RTL4: variants seen among roughly 807,000 people sequenced by gnomAD.
RTL4 encodes the protein retrotransposon Gag like 4.
In RTL4, 4 loss-of-function variants were observed where a neutral mutation model predicts 5.3. The ratio of observed to expected loss-of-function variants is 0.75; its 90% CI spans 0.37 to 1.72. The LOEUF (loss-of-function observed/expected upper bound fraction) is 1.72, where lower values mean the gene tolerates loss of function less well. Ranked by LOEUF, RTL4 falls within the 40% of genes most tolerant of loss-of-function variation. The pLI, the probability that RTL4 is intolerant of heterozygous loss-of-function variation, is 0.04. For missense variants in RTL4, 260 were observed against 227.1 expected, an observed-to-expected ratio of 1.14 and a Z score of -0.93; for synonymous variants, 98 against 87.3, an observed-to-expected ratio of 1.12 and a Z score of -0.68.
chrX:112,341,969 T>A, the RTL4 span, among the ~76,000 whole-genome samples: 1 of 111,590 alleles, frequency 9.0e-6, no homozygotes, highest in Non-Finnish European at 1.9e-5. Context: ...TAATAATAAC[T>A]TTAATGTACT....
the RTL4 span, among the ~76,000 whole-genome samples, chrX:112,099,451 T>C: frequency 9.0e-6 from 1 of 111,054 alleles, no homozygotes; most frequent in African/African-American, 3.3e-5. Flanking sequence ...TGAATCAAAG[T>C]GTGCCAAAGA....
chrX:112,232,879 G>T, the RTL4 span, among the ~76,000 whole-genome samples: 2 of 110,885 alleles, frequency 1.8e-5, no homozygotes, highest in African/African-American at 3.3e-5. Flanking sequence ...TTCTTGAGGG[G>T]AGCTGAGGTA....
At chrX:112,102,973 A>T in the RTL4 span, among the ~76,000 whole-genome samples, 1 of 112,188 alleles carries the variant, frequency 8.9e-6, no homozygotes, top group Non-Finnish European at 1.9e-5. Context: ...ACGCTTTTAC[A>T]TTGTTGGTAG....
At chrX:112,103,742 T>C in the RTL4 span, among the ~76,000 whole-genome samples, 1 of 110,174 alleles carries the variant, frequency 9.1e-6, no homozygotes, top group East Asian at 2.8e-4. Flanking sequence ...TAGGAAATAT[T>C]TTATTATTAT....
chrX:112,246,462 G>A, the RTL4 span, among the ~76,000 whole-genome samples: 2 of 112,030 alleles, frequency 1.8e-5, no homozygotes, highest in African/African-American at 6.5e-5. Context: ...CCACCTAGCA[G>A]TTAGATCTCA....
the RTL4 span, among the ~76,000 whole-genome samples, chrX:112,176,319 A>C: frequency 8.9e-6 from 1 of 112,252 alleles, no homozygotes; most frequent in Non-Finnish European, 1.9e-5. Context: ...TTATAGATTC[A>C]ATTTTCGTTT....
At chrX:112,166,114 C>G in the RTL4 span, among the ~76,000 whole-genome samples, 9 of 111,872 alleles carry the variant, frequency 8.0e-5, no homozygotes, top group African/African-American at 2.9e-4. Flanking sequence ...TTAGCAATGG[C>G]GTAAGAATCC....
At chrX:112,149,399 C>A in the RTL4 span, among the ~76,000 whole-genome samples, 2 of 111,516 alleles carry the variant, frequency 1.8e-5, no homozygotes, top group East Asian at 5.7e-4. Context: ...TCTTAAGTGA[C>A]AAAGTTACAG....
the RTL4 span, among the ~76,000 whole-genome samples, chrX:112,234,849 T>C: frequency 3.6e-5 from 4 of 111,963 alleles, no homozygotes; most frequent in Non-Finnish European, 5.6e-5. Context: ...TCAATTTGTG[T>C]TTGATGGAGC....
chrX:112,449,662 G>A (rs1926700141), upstream of RTL4, among the ~76,000 whole-genome samples: 1 of 111,680 alleles, frequency 9.0e-6, no homozygotes, highest in Admixed American at 9.5e-5. Context: ...GAGAACCTCT[G>A]AGAAATGTTG....
chrX:112,192,124 G>T, the RTL4 span, among the ~76,000 whole-genome samples: 1 of 94,153 alleles, frequency 1.1e-5, no homozygotes. Flanking sequence ...CAAATATGCT[G>T]CACTCATTTA....
chrX:112,370,983 A>G, the RTL4 span, among the ~76,000 whole-genome samples: 3 of 109,927 alleles, frequency 2.7e-5, no homozygotes, highest in African/African-American at 6.6e-5. Context: ...CTGTTGAGGT[A>G]TATTTCATAT....
At chrX:112,427,947 C>T in the RTL4 span, among the ~76,000 whole-genome samples, 3 of 108,678 alleles carry the variant, frequency 2.8e-5, no homozygotes, top group Admixed American at 3.0e-4. Context: ...TCTGAGTCCC[C>T]GAAGTCCATT....
chrX:112,264,923 AAGCACC>A, the RTL4 span, among the ~76,000 whole-genome samples: 6 of 112,751 alleles, frequency 5.3e-5, no homozygotes, highest in South Asian at 2.2e-3. Context: ...TGTTCCCCAT[AAGCACC>A]AGCATGGTGG....
At chrX:112,428,204 G>A in the RTL4 span, among the ~76,000 whole-genome samples, 1 of 111,439 alleles carries the variant, frequency 9.0e-6, no homozygotes, top group African/African-American at 3.2e-5. Context: ...CCATATCTTT[G>A]CAATTGCAAA....
chrX:112,137,308 C>T, the RTL4 span, among the ~76,000 whole-genome samples: 3 of 111,893 alleles, frequency 2.7e-5, no homozygotes, highest in Non-Finnish European at 5.6e-5. Context: ...GAGATAATCA[C>T]CTTATACCAG....
the RTL4 span, among the ~76,000 whole-genome samples, chrX:112,139,989 C>T: frequency 1.5e-4 from 17 of 112,102 alleles, no homozygotes; most frequent in Admixed American, 1.5e-3. Context: ...TTCCCAGCCA[C>T]GTGGAACTGT....
At chrX:112,443,264 C>T in the RTL4 span, among the ~76,000 whole-genome samples, 1 of 112,023 alleles carries the variant, frequency 8.9e-6, no homozygotes, top group African/African-American at 3.2e-5. Context: ...GACTGAATTT[C>T]ATCATTTTTT....
the RTL4 span, among the ~76,000 whole-genome samples, chrX:112,272,669 A>G: frequency 8.9e-6 from 1 of 112,009 alleles, no homozygotes; most frequent in South Asian, 3.7e-4. Flanking sequence ...TCCATTTCAC[A>G]TACCATGTAG....
Sources: allele counts gnomAD v4.1 joint callset (sites outside exome capture counted in the v4.1 genomes callset), GRCh38; gene constraint gnomAD v4.1.1; transcripts MANE v1.5; gene names NCBI Gene and HGNC (gene_info 2026-07-23, HGNC 2026-07-21).